Variants in TUBGCP5 observed in about 807,000 individuals in gnomAD.
The protein encoded by TUBGCP5 is gamma-tubulin complex component 5.
A neutral mutation model predicts 134.7 loss-of-function variants in TUBGCP5; 98 were observed. The ratio of observed to expected loss-of-function variants is 0.73; its 90% CI spans 0.62 to 0.86. The LOEUF (loss-of-function observed/expected upper bound fraction) is 0.86. Ranked by LOEUF, TUBGCP5 falls within the 40% of genes least tolerant of loss-of-function variation. TUBGCP5 has a pLI of 0.00. For missense variants in TUBGCP5, 1,150 were observed against 1,244.8 expected, an observed-to-expected ratio of 0.92 and a Z score of 1.15; for synonymous variants, 456 against 431.4, an observed-to-expected ratio of 1.06 and a Z score of -0.71.
In TUBGCP5 at chr15:22,999,347, A is replaced by G. The variant is rs1239706942; in HGVS notation, c.*473T>C. ...CACAATTTTATGTATACAACTCTAT[A>G]CAGTATCTACTAATCTCCAGAAAAC... On this transcript the variant is annotated 3_prime_UTR_variant, in exon 23 of 23. Coordinates refer to ENST00000615383, the MANE Select transcript of TUBGCP5 (RefSeq NM_052903.6). 2 of 186,804 alleles carry G rather than the reference A, an allele frequency of 1.1e-5. No individual in the cohort carries two copies. Among genetic ancestry groups the G allele is most frequent in the Non-Finnish European group, 1.1e-5 (1 of 87,510 alleles). The allele number at this position is 186,804 out of a possible 1,614,324, so 11.6% of individuals were successfully genotyped here.
intron 6 of TUBGCP5, among the ~76,000 whole-genome samples, chr15:23,028,168 C>T (rs2066090067): frequency 6.6e-6 from 1 of 151,784 alleles, no homozygotes; most frequent in Admixed American, 6.6e-5. Context: ...CTCACACCTG[C>T]AATCCCAGCC....
intron 23 of TUBGCP5, among the ~76,000 whole-genome samples, chr15:22,985,446 G>A (rs1461288299): frequency 2.6e-5 from 4 of 152,094 alleles, no homozygotes; most frequent in Non-Finnish European, 4.4e-5. Flanking sequence ...TCAAACTCCC[G>A]ACCTCAGGTG....
chr15:23,024,280 T>G, intron 9 of TUBGCP5, 87 bp from the exon 10 acceptor site: 1 of 1,484,198 alleles, frequency 6.7e-7, no homozygotes, highest in Non-Finnish European at 9.1e-7. Context: ...AATACTTCTT[T>G]TGCAATTGTT....
Position 23,009,957 on chromosome 15 carries a change from T to A in TUBGCP5, c.2132A>T (p.Lys711Ile). 6.2e-7 allele frequency: 1 copy of A among 1,612,648 alleles called. No individual in the cohort carries two copies. Among genetic ancestry groups the A allele is most frequent in the Non-Finnish European group, 8.5e-7 (1 of 1,179,260 alleles). The change falls in exon 15 of 23, where the codon AAA becomes ATA. Residue 711 changes from lysine (K) to isoleucine (I), a missense_variant. This residue lies in a region of TUBGCP5 where 697 missense variants were observed against 850.1 expected (regional missense o/e 0.82). Transcript: ENST00000615383. ...DCCGNLMQTLKKDYRLVEYLQ... is the reference protein window; with the variant it reads ...DCCGNLMQTLIKDYRLVEYLQ... ...ATTACTCTTTTACCTGTAATCTTTT[T>A]TTAGAGTTTGCATGAGATTTCCACA...
At chr15:22,998,852 G>C (rs1235061880), downstream of TUBGCP5, among the ~76,000 whole-genome samples, 1 of 152,078 alleles carries the variant, frequency 6.6e-6, no homozygotes, top group African/African-American at 2.4e-5. Flanking sequence ...CCTGACCTCA[G>C]ATGATCCGCC....
chr15:23,036,050 T>C (rs955410415), intron 3 of TUBGCP5, among the ~76,000 whole-genome samples: 2 of 152,196 alleles, frequency 1.3e-5, no homozygotes, highest in African/African-American at 4.8e-5. Context: ...AAGAACTATG[T>C]AGGCACAAGA....
At chr15:23,020,253 A>G (rs767228852) in intron 11 of TUBGCP5, among the ~76,000 whole-genome samples, 10 of 152,026 alleles carry the variant, frequency 6.6e-5, no homozygotes, top group Non-Finnish European at 1.0e-4. Context: ...TTAAAAATAC[A>G]AAAATTAGAT....
chr15:23,027,067 A>C lies in TUBGCP5; in HGVS notation c.737+125T>G, dbSNP rs1023333797. On this transcript the variant is annotated intron_variant, in intron 7 of 22. Transcript: ENST00000615383. ...AGTGAGAATCTGTCTCCAAAAAAAA[A>C]AGAATTGTCAAAACAAAAACAAGTT... 5 of 768,754 alleles carry C rather than the reference A, an allele frequency of 6.5e-6. No homozygotes were observed. In the South Asian group the frequency reaches 7.4e-5, roughly 11 times the overall value. The allele number at this position is 768,754 out of a possible 1,614,324, so 47.6% of individuals were successfully genotyped here.
intron 14 of TUBGCP5, 82 bp downstream of exon 14, chr15:23,011,051 T>C: frequency 2.1e-6 from 3 of 1,428,570 alleles, no homozygotes; most frequent in Non-Finnish European, 2.9e-6. Flanking sequence ...TTTTTAGCCC[T>C]ACCTGCCAGA....
At chr15:22,995,696 T>G (rs746903999), downstream of TUBGCP5, among the ~76,000 whole-genome samples, 1 of 151,966 alleles carries the variant, frequency 6.6e-6, no homozygotes, top group African/African-American at 2.4e-5. Context: ...TTGATACAAT[T>G]CAATGAGTTT....
At chr15:23,027,607 T>C (rs2066052157) in intron 6 of TUBGCP5, among the ~76,000 whole-genome samples, 1 of 151,148 alleles carries the variant, frequency 6.6e-6, no homozygotes, top group South Asian at 2.1e-4. Context: ...TACAAAAAAA[T>C]TAGCCAGGGA....
At chr15:22,992,522 T>C (rs1595786761) in intron 23 of TUBGCP5, among the ~76,000 whole-genome samples, 1 of 150,234 alleles carries the variant, frequency 6.7e-6, no homozygotes, top group Non-Finnish European at 1.5e-5. Flanking sequence ...CACACACACA[T>C]GTATATTAAT....
intron 8 of TUBGCP5, 100 bp from the exon 9 acceptor site, chr15:23,024,930 CTT>C: frequency 2.9e-6 from 2 of 695,654 alleles, no homozygotes; most frequent in Non-Finnish European, 5.1e-6. Flanking sequence ...CAGGGACTCA[CTT>C]TGTCACCCAC....
rs757986700 is a variant in TUBGCP5 at position 23,011,211 on chromosome 15, A to C, written c.1877T>G (p.Met626Arg). The change falls in exon 14 of 23, where the codon ATG (methionine) becomes AGG (arginine). Residue 626 changes from methionine to arginine, a missense_variant. Physicochemically the swap from Met to Arg is moderately conservative, Grantham distance 91. Transcript: ENST00000615383. Reference sequence around the variant, plus strand: ...GCTTTCAGCAATGGACTGCATCTTCATCAGGTTCTCCTTGGTTGCCTGTTG... The same window carrying C: ...GCTTTCAGCAATGGACTGCATCTTCCTCAGGTTCTCCTTGGTTGCCTGTTG... The part of the protein sequence containing the change: ...TEQQATKENL[M>R]KMQSIAESHL... The C allele has an allele frequency of 1.9e-6, 3 of 1,613,992 alleles. No individual in the cohort carries two copies. Among genetic ancestry groups the C allele is most frequent in the South Asian group, 2.2e-5 (2 of 91,080 alleles).
In TUBGCP5 at chr15:23,010,123, C is replaced by T. The variant is rs1445353102; in HGVS notation, c.1966G>A (p.Glu656Lys). The T allele has an allele frequency of 1.2e-6, 2 of 1,611,902 alleles. No homozygotes were observed. The highest frequency in any genetic ancestry group is 1.7e-6 in the Non-Finnish European group (2 of 1,178,382). The change falls in exon 15 of 23, where the codon GAG becomes AAG. Residue 656 changes from glutamate (E) to lysine (K), a missense_variant. Transcript: ENST00000615383. ...AACTTCTCGTGAAAGTCACTCTGCT[C>T]CAAATACATCCTTCAAGATAAAAAT... is the stretch of plus-strand genomic sequence containing the variant. The part of the protein sequence containing the change: ...LAINFARMYL[E>K]QSDFHEKFAG...
intron 2 of TUBGCP5, 23 bp downstream of exon 2, chr15:23,037,076 C>G (rs749689120): frequency 6.8e-6 from 11 of 1,606,682 alleles, no homozygotes; most frequent in Admixed American, 1.7e-5. Context: ...TTTCTGGATG[C>G]GTATATATAC....
intron 20 of TUBGCP5, 40 bp from the exon 21 acceptor site, chr15:23,003,193 G>A: frequency 6.3e-7 from 1 of 1,581,480 alleles, no homozygotes; most frequent in Non-Finnish European, 8.7e-7. Flanking sequence ...GTGTAACTAG[G>A]TTTGGACACT....
intron 10 of TUBGCP5, 64 bp downstream of exon 10, chr15:23,023,883 C>T: frequency 6.6e-7 from 1 of 1,523,300 alleles, no homozygotes; most frequent in Non-Finnish European, 8.9e-7. Flanking sequence ...ATAATAAAAA[C>T]TCTAAGTGGC....
rs773952569 is a variant in TUBGCP5 at position 23,022,085 on chromosome 15, C to T, written c.1245G>A (p.Val415=). 1.2e-6 allele frequency: 2 copies of T among 1,614,182 alleles called. No individual in the cohort carries two copies. Among genetic ancestry groups the T allele is most frequent in the South Asian group, 1.1e-5 (1 of 91,090 alleles). The part of the protein sequence containing the change: ...RLSQLKVLHK[V]FSTGVAEVPP... ...GAACTTCTGCTACTCCAGTACTAAACACTTTGTGCAGAACCTTGAGCTGAG... is the reference window on the plus strand; with the variant it reads ...GAACTTCTGCTACTCCAGTACTAAATACTTTGTGCAGAACCTTGAGCTGAG... Residue 415 remains valine, a synonymous_variant, in exon 11 of 23, where the codon GTG becomes GTA. Coordinates refer to ENST00000615383, the MANE Select transcript of TUBGCP5 (RefSeq NM_052903.6).
Sources: gnomAD v4.1 joint callset for allele counts (sites outside exome capture counted in the v4.1 genomes callset) on GRCh38, gnomAD v4.1.1 for gene constraint, gnomAD v4.1.1 regional missense constraint, MANE v1.5 for transcripts, NCBI Gene and HGNC (gene_info 2026-07-23, HGNC 2026-07-21) for gene names.